LRRTM3: variants seen among roughly 807,000 people sequenced by gnomAD.
The protein encoded by LRRTM3 is leucine-rich repeat transmembrane neuronal protein 3.
Under a neutral mutation model 44.7 loss-of-function variants are expected in LRRTM3, and 24 were observed. The ratio of observed to expected loss-of-function variants is 0.54; its 90% CI spans 0.39 to 0.76. The LOEUF is 0.76. Among genes scored for constraint, LRRTM3 ranks in the 30% least tolerant of loss-of-function variants. The pLI, the probability that LRRTM3 is intolerant of heterozygous loss-of-function variation, is 0.00. For synonymous variants in LRRTM3, 277 were observed against 278.7 expected, an observed-to-expected ratio of 0.99 and a Z score of 0.06; for missense variants, 587 against 702.2, an observed-to-expected ratio of 0.84 and a Z score of 1.85.
At chr10:66,984,883 C>A (rs571748291) in intron 2 of LRRTM3, among the ~76,000 whole-genome samples, 1 of 152,130 alleles carries the variant, frequency 6.6e-6, no homozygotes, top group South Asian at 2.1e-4. Context: ...ACATTTTTTG[C>A]TCTGTTTTGG....
At chr10:66,991,943 C>T (rs938446766) in intron 2 of LRRTM3, among the ~76,000 whole-genome samples, 1 of 152,154 alleles carries the variant, frequency 6.6e-6, no homozygotes, top group Admixed American at 6.6e-5. Flanking sequence ...ACCTTCATAC[C>T]TCCCCTTTCA....
chr10:67,094,566 A>G (rs1374845051), intron 2 of LRRTM3, among the ~76,000 whole-genome samples: 3 of 151,826 alleles, frequency 2.0e-5, no homozygotes, highest in African/African-American at 7.2e-5. Context: ...ATTGTCAAGC[A>G]TGGTGCCTCA....
chr10:67,075,558 G>GT (rs933417026), intron 2 of LRRTM3, among the ~76,000 whole-genome samples: 1 of 152,166 alleles, frequency 6.6e-6, no homozygotes, highest in Non-Finnish European at 1.5e-5. Context: ...TTCTGCCAAT[G>GT]TTTAACATTT....
intron 2 of LRRTM3, among the ~76,000 whole-genome samples, chr10:66,966,650 C>T (rs1465967781): frequency 6.6e-6 from 1 of 151,974 alleles, no homozygotes; most frequent in East Asian, 1.9e-4. Context: ...GCAGTGGCTA[C>T]ATTTAACCAA....
chr10:67,082,130 A>AT (rs1857088207), intron 2 of LRRTM3, among the ~76,000 whole-genome samples: 1 of 152,162 alleles, frequency 6.6e-6, no homozygotes, highest in East Asian at 1.9e-4. Flanking sequence ...TATAGAGAGG[A>AT]TTTTTTAAAA....
At chr10:67,091,091 T>C (rs968359389) in intron 2 of LRRTM3, among the ~76,000 whole-genome samples, 1 of 151,920 alleles carries the variant, frequency 6.6e-6, no homozygotes, top group Non-Finnish European at 1.5e-5. Context: ...TAAGTAAAAC[T>C]ACCAGCCTGT....
chr10:67,087,814 T>C (rs1437170417), intron 2 of LRRTM3, among the ~76,000 whole-genome samples: 1 of 152,078 alleles, frequency 6.6e-6, no homozygotes, highest in Non-Finnish European at 1.5e-5. Flanking sequence ...TCTCAGACTA[T>C]ATTAACTAAC....
chr10:66,927,849 G>A lies in LRRTM3; in HGVS notation c.933G>A (p.Gly311=), dbSNP rs1374843151. The change falls in exon 2 of 3, where the codon GGG becomes GGA. Residue 311 remains glycine, a synonymous_variant. Coordinates refer to ENST00000361320, the MANE Select transcript of LRRTM3 (RefSeq NM_178011.5). The surrounding 1 kb of genome is among the most constrained non-coding windows in gnomAD (Gnocchi z 4.7). ...WISLNDISLA[G]NIWECSRNIC... is the part of the protein sequence containing the mutation. The stretch of plus-strand genomic sequence containing the variant: ...CCCTCAATGACATCAGTCTTGCTGG[G>A]AATATATGGGAATGCAGCAGAAATA... 3.1e-6 allele frequency: 5 copies of A among 1,614,094 alleles called. No homozygotes were observed. Among genetic ancestry groups the A allele is most frequent in the Admixed American group, 1.7e-5 (1 of 60,016 alleles).
intron 2 of LRRTM3, among the ~76,000 whole-genome samples, chr10:67,045,974 C>T (rs185321339): frequency 6.6e-6 from 1 of 152,232 alleles, no homozygotes; most frequent in East Asian, 1.9e-4. Flanking sequence ...AGTATAACCA[C>T]ATCATGTTTG....
intron 2 of LRRTM3, among the ~76,000 whole-genome samples, chr10:67,029,223 T>TATTCTTAAATAAAACAA (rs1746506609): frequency 6.6e-6 from 1 of 152,228 alleles, no homozygotes; most frequent in Non-Finnish European, 1.5e-5. Context: ...GGTTCACTAA[T>TATTCTTAAATAAAACAA]GTACCAAATA....
chr10:66,951,038 T>C (rs1848511088), intron 2 of LRRTM3, among the ~76,000 whole-genome samples: 1 of 152,074 alleles, frequency 6.6e-6, no homozygotes, highest in Admixed American at 6.6e-5. Context: ...TTTGCCTTGC[T>C]GCACTGTATT....
chr10:67,008,743 G>A (rs1036205154), intron 2 of LRRTM3, among the ~76,000 whole-genome samples: 1 of 152,104 alleles, frequency 6.6e-6, no homozygotes, highest in African/African-American at 2.4e-5. Context: ...GCTAGCTCAG[G>A]CATATTCACA....
At chr10:66,947,914 A>G (rs552347112) in intron 2 of LRRTM3, among the ~76,000 whole-genome samples, 98 of 152,308 alleles carry the variant, frequency 6.4e-4, no homozygotes, top group Middle Eastern at 3.4e-3. Flanking sequence ...GTGTACTTAC[A>G]TAAACCTAGA....
At chr10:66,993,951 G>A in intron 2 of LRRTM3, among the ~76,000 whole-genome samples, 1 of 152,026 alleles carries the variant, frequency 6.6e-6, no homozygotes, top group Admixed American at 6.6e-5. Flanking sequence ...TTAACTTTTT[G>A]TCTTCTGATA....
chr10:67,088,984 TTAGA>T (rs1327714121), intron 2 of LRRTM3, among the ~76,000 whole-genome samples: 1 of 151,982 alleles, frequency 6.6e-6, no homozygotes, highest in Admixed American at 6.6e-5. Flanking sequence ...TAATGACTAC[TTAGA>T]TAGAATATAC....
At chr10:67,025,099 C>T (rs771137254) in intron 2 of LRRTM3, among the ~76,000 whole-genome samples, 1 of 142,366 alleles carries the variant, frequency 7.0e-6, no homozygotes, top group African/African-American at 2.6e-5. Context: ...ATTGCACACT[C>T]CAGCCTGAGC....
At chr10:66,982,761 A>T (rs1850513128) in intron 2 of LRRTM3, among the ~76,000 whole-genome samples, 1 of 152,234 alleles carries the variant, frequency 6.6e-6, no homozygotes, top group Non-Finnish European at 1.5e-5. Context: ...AAAAGTAGCA[A>T]ATAGATTAAA....
chr10:67,050,665 A>G (rs1272230558), intron 2 of LRRTM3, among the ~76,000 whole-genome samples: 9 of 152,178 alleles, frequency 5.9e-5, no homozygotes, highest in African/African-American at 2.2e-4. Context: ...CCTGCATGGA[A>G]TTTAAACTAC....
At chr10:67,071,026 G>T (rs1252251908) in intron 2 of LRRTM3, among the ~76,000 whole-genome samples, 1 of 152,082 alleles carries the variant, frequency 6.6e-6, no homozygotes, top group Non-Finnish European at 1.5e-5. Flanking sequence ...TATCTTCCCA[G>T]AATTGCTAAA....
Sources: gnomAD v4.1 joint callset for allele counts (sites outside exome capture counted in the v4.1 genomes callset) on GRCh38, gnomAD v4.1.1 for gene constraint, Gnocchi (gnomAD v3.1) non-coding constraint, MANE v1.5 for transcripts, NCBI Gene and HGNC (gene_info 2026-07-23, HGNC 2026-07-21) for gene names.